Variants in OR5T3 observed in about 807,000 individuals in gnomAD.
The protein encoded by OR5T3 is olfactory receptor 5T3.
In OR5T3, 14 loss-of-function variants were observed where a neutral mutation model predicts 14.0. The ratio of observed to expected loss-of-function variants is 1.00; its 90% CI spans 0.66 to 1.56. The LOEUF is 1.56. Ranked by LOEUF, OR5T3 falls within the 40% of genes most tolerant of loss-of-function variation. The pLI is 0.00. For synonymous variants in OR5T3, 150 were observed against 137.2 expected (o/e 1.09, Z -0.65); for missense variants, 410 against 374.2 (o/e 1.10, Z -0.79).
Position 56,252,265 on chromosome 11 carries a change from G to A in OR5T3, c.12G>A (p.Leu4=), listed in dbSNP as rs1366138365. 6.2e-7 allele frequency: 1 copy of A among 1,612,114 alleles called. No individual in the cohort carries two copies. The highest frequency in any genetic ancestry group is 1.1e-5 in the South Asian group (1 of 90,968). The change falls in exon 1 of 1, where the codon TTG becomes TTA. Residue 4 remains leucine, a synonymous_variant. Coordinates refer to ENST00000313033, the MANE Select transcript of OR5T3 (RefSeq NM_001004747.2). ...AAGTAAAAACTGAAATGGACAAGTT[G>A]TCATCAGGTTTGGATATATACAGGA... MDK[L]SSGLDIYRNP... is the part of the protein sequence containing the mutation.
At position 56,253,060 on chromosome 11, in the gene OR5T3, C is replaced by A; in HGVS notation, c.807C>A (p.Val269=). The A allele has an allele frequency of 6.2e-7, 1 of 1,613,650 alleles. No individual in the cohort carries two copies. The highest frequency in any genetic ancestry group is 8.5e-7 in the Non-Finnish European group (1 of 1,179,710). Reference sequence around the variant, plus strand: ...CAATTTATCATGGAACAATTCTCGTCAGTTATATGAGACCAAGTTCCAGCT... The same window carrying A: ...CAATTTATCATGGAACAATTCTCGTAAGTTATATGAGACCAAGTTCCAGCT... ...GVTIYHGTIL[V]SYMRPSSSYA... The change falls in exon 1 of 1, where the codon GTC becomes GTA. Residue 269 remains valine (V), a synonymous_variant. Coordinates refer to ENST00000313033, the MANE Select transcript of OR5T3 (RefSeq NM_001004747.2).
chr11:56,252,340 C>A lies in OR5T3; in HGVS notation c.87C>A (p.Phe29Leu). The A allele has an allele frequency of 6.2e-7, 1 of 1,613,626 alleles. No homozygotes were observed. ...TCACCATGTTTATATTGACAGGCTTCACAGATGATTTTGAGCTGCAAGTCT... is the reference window on the plus strand; with the variant it reads ...TCACCATGTTTATATTGACAGGCTTAACAGATGATTTTGAGCTGCAAGTCT... ...TEVTMFILTG[F>L]TDDFELQVFL... Residue 29 changes from phenylalanine (F) to leucine (L), a missense_variant, in exon 1 of 1, where the codon TTC becomes TTA. Phe to Leu is a conservative substitution (Grantham distance 22). Transcript: ENST00000313033.
Position 56,252,411 on chromosome 11 carries a change from G to C in OR5T3, c.158G>C (p.Gly53Ala). 11 of 1,613,400 alleles carry C rather than the reference G, an allele frequency of 6.8e-6. No homozygotes were observed. The highest frequency in any genetic ancestry group is 9.3e-6 in the Non-Finnish European group (11 of 1,179,578). The stretch of plus-strand genomic sequence containing the variant: ...GCAATCTATCTCTTTACCTTGATAG[G>C]CAATTTAGGGCTGGTTGTGTTGGTC... ...FFAIYLFTLI[G>A]NLGLVVLVIE... Residue 53 changes from glycine (G) to alanine (A), a missense_variant, in exon 1 of 1, where the codon GGC becomes GCC. Physicochemically the swap from Gly to Ala is moderately conservative, Grantham distance 60. Coordinates refer to ENST00000313033, the MANE Select transcript of OR5T3 (RefSeq NM_001004747.2).
Position 56,252,621 on chromosome 11 carries a change from A to C in OR5T3, c.368A>C (p.Glu123Ala). The C allele has an allele frequency of 6.2e-7, 1 of 1,613,884 alleles. No homozygotes were observed. The highest frequency in any genetic ancestry group is 8.5e-7 in the Non-Finnish European group (1 of 1,179,834). ...CTTTTTGTTACTTTTGGAACTACAGAATGTTTTCTCTTGGCTGCAATGGCT... is the reference window on the plus strand; with the variant it reads ...CTTTTTGTTACTTTTGGAACTACAGCATGTTTTCTCTTGGCTGCAATGGCT... Reference protein sequence around the residue: ...MLLFVTFGTTECFLLAAMAYD... With the variant: ...MLLFVTFGTTACFLLAAMAYD... The change falls in exon 1 of 1, where the codon GAA becomes GCA. Residue 123 changes from glutamate to alanine, a missense_variant. By Grantham distance (107) the Glu-to-Ala change is moderately radical. Transcript: ENST00000313033.
Position 56,252,286 on chromosome 11 carries a change from C to T in OR5T3, c.33C>T (p.Tyr11=). 1 of 1,611,054 alleles carries T rather than the reference C, an allele frequency of 6.2e-7. No individual in the cohort carries two copies. The highest frequency in any genetic ancestry group is 1.3e-5 in the African/African-American group (1 of 74,932). ...AGTTGTCATCAGGTTTGGATATATA[C>T]AGGAATCCACTGAAGAACAAGACTG... MDKLSSGLDI[Y]RNPLKNKTEV... Residue 11 remains tyrosine (Y), a synonymous_variant, in exon 1 of 1, where the codon TAC becomes TAT. Transcript: ENST00000313033.
Position 56,253,031 on chromosome 11 carries a change from G to C in OR5T3, c.778G>C (p.Val260Leu). The C allele has an allele frequency of 6.2e-7, 1 of 1,613,720 alleles. No homozygotes were observed. The change falls in exon 1 of 1, where the codon GTG becomes CTG. Residue 260 changes from valine to leucine, a missense_variant. By Grantham distance (32) the Val-to-Leu change is conservative (BLOSUM62 1). Transcript: ENST00000313033. ...FSTCGSHLTG[V>L]TIYHGTILVS... ...TACATGTGGCTCTCACCTAACTGGAGTGACAATTTATCATGGAACAATTCT... is the reference window on the plus strand; with the variant it reads ...TACATGTGGCTCTCACCTAACTGGACTGACAATTTATCATGGAACAATTCT...
chr11:56,253,080 C>G lies in OR5T3; in HGVS notation c.827C>G (p.Ser276Cys). ...TILVSYMRPS[S>C]SYASDHDIIV... ...CTCGTCAGTTATATGAGACCAAGTT[C>G]CAGCTATGCTTCAGACCATGACATC... The change falls in exon 1 of 1, where the codon TCC becomes TGC. Residue 276 changes from serine (S) to cysteine (C), a missense_variant. Physicochemically the swap from Ser to Cys is moderately radical, Grantham distance 112. Coordinates refer to ENST00000313033, the MANE Select transcript of OR5T3 (RefSeq NM_001004747.2). 1 of 1,613,560 alleles carries G rather than the reference C, an allele frequency of 6.2e-7. No individual in the cohort carries two copies. Among genetic ancestry groups the G allele is most frequent in the Non-Finnish European group, 8.5e-7 (1 of 1,179,642 alleles).
rs779828735 is a variant in OR5T3 at position 56,252,662 on chromosome 11, G to A, written c.409G>A (p.Ala137Thr). 3.7e-6 allele frequency: 6 copies of A among 1,613,682 alleles called. No homozygotes were observed. In the South Asian group the frequency reaches 6.6e-5, roughly 18 times the overall value. ...TGCAATGGCTTATGATCACTATGTAGCCATCTACAACCCTCTCCTGTATTC... is the reference window on the plus strand; with the variant it reads ...TGCAATGGCTTATGATCACTATGTAACCATCTACAACCCTCTCCTGTATTC... The part of the protein sequence containing the change: ...LAAMAYDHYV[A>T]IYNPLLYSVS... Residue 137 changes from alanine (A) to threonine (T), a missense_variant, in exon 1 of 1, where the codon GCC becomes ACC. By Grantham distance (58) the Ala-to-Thr change is moderately conservative. Transcript: ENST00000313033.
rs1853600748 is a variant in OR5T3, at chr11:56,253,109, GTGTCAA to G, written c.858_863del (p.Ser287_Ile288del). On this transcript the variant is annotated inframe_deletion, in exon 1 of 1. Transcript: ENST00000313033. ...CTATGCTTCAGACCATGACATCATA[GTGTCAA>G]TATTTTACACAATTGTGATTCCCAA... 6.2e-7 allele frequency: 1 copy of G among 1,610,470 alleles called. No homozygotes were observed.
rs770470850 is a variant in OR5T3, at chr11:56,252,538, C to T, written c.285C>T (p.Val95=). ...YSTVVTPKML[V]NFLAKNKSIS... ...CAGTTGTCACTCCAAAAATGTTGGT[C>T]AATTTCCTGGCAAAAAATAAATCCA... Residue 95 remains valine (V), a synonymous_variant, in exon 1 of 1, where the codon GTC becomes GTT. Transcript: ENST00000313033. 1.2e-6 allele frequency: 2 copies of T among 1,613,852 alleles called. No homozygotes were observed. Among genetic ancestry groups the T allele is most frequent in the South Asian group, 2.2e-5 (2 of 91,078 alleles).
Position 56,252,952 on chromosome 11 carries a change from T to C in OR5T3, c.699T>C (p.Ile233=). Reference sequence around the variant, plus strand: ...TTGTCCTCATTTCCTGTGATTTCATTCTGTTGTCCATTCTGAAGATGCATT... The same window carrying C: ...TTGTCCTCATTTCCTGTGATTTCATCCTGTTGTCCATTCTGAAGATGCATT... ...ILIVLISCDF[I]LLSILKMHSA... The change falls in exon 1 of 1, where the codon ATT becomes ATC. Residue 233 remains isoleucine, a synonymous_variant. Coordinates refer to ENST00000313033, the MANE Select transcript of OR5T3 (RefSeq NM_001004747.2). 6.2e-7 allele frequency: 1 copy of C among 1,613,882 alleles called. No homozygotes were observed. The highest frequency in any genetic ancestry group is 8.5e-7 in the Non-Finnish European group (1 of 1,179,830).
At position 56,252,294 on chromosome 11, in the gene OR5T3, C is replaced by T. The variant is rs117125830; in HGVS notation, c.41C>T (p.Pro14Leu). ...TCAGGTTTGGATATATACAGGAATC[C>T]ACTGAAGAACAAGACTGAAGTCACC... is the stretch of plus-strand genomic sequence containing the variant. ...LSSGLDIYRN[P>L]LKNKTEVTMF... is the part of the protein sequence containing the mutation. Residue 14 changes from proline (P) to leucine (L), a missense_variant, in exon 1 of 1, where the codon CCA becomes CTA. Transcript: ENST00000313033. 6,658 of 1,611,656 alleles carry T rather than the reference C, an allele frequency of 4.1e-3. 23 individuals carry two copies. Among genetic ancestry groups the T allele is most frequent in the Non-Finnish European group, 5.1e-3 (6,017 of 1,177,962 alleles).
Position 56,253,180 on chromosome 11 carries a change from A to T in OR5T3, c.927A>T (p.Val309=). The T allele has an allele frequency of 6.3e-7, 1 of 1,581,946 alleles. No individual in the cohort carries two copies. Among genetic ancestry groups the T allele is most frequent in the Non-Finnish European group, 8.6e-7 (1 of 1,165,186 alleles). The part of the protein sequence containing the change: ...PIIYSLRNKE[V]KKAVKKMLKL... ...TCTATAGTTTGAGGAACAAAGAAGT[A>T]AAAAAGGCAGTGAAGAAAATGTTGA... Residue 309 remains valine (V), a synonymous_variant, in exon 1 of 1, where the codon GTA becomes GTT. Transcript: ENST00000313033.
At position 56,252,387 on chromosome 11, in the gene OR5T3, C is replaced by A. The variant is rs754391793; in HGVS notation, c.134C>A (p.Ala45Glu). ...LQVFLFLLFFAIYLFTLIGNL... is the reference protein window; with the variant it reads ...LQVFLFLLFFEIYLFTLIGNL... ...GTCTTCCTATTTTTACTATTTTTTG[C>A]AATCTATCTCTTTACCTTGATAGGC... Residue 45 changes from alanine (A) to glutamate (E), a missense_variant, in exon 1 of 1, where the codon GCA becomes GAA. Physicochemically the swap from Ala to Glu is moderately radical, Grantham distance 107. Transcript: ENST00000313033. 1 of 1,613,368 alleles carries A rather than the reference C, an allele frequency of 6.2e-7. No individual in the cohort carries two copies. The highest frequency in any genetic ancestry group is 1.1e-5 in the South Asian group (1 of 91,058).
In OR5T3 at chr11:56,252,386, G is replaced by C; in HGVS notation, c.133G>C (p.Ala45Pro). 6.2e-7 allele frequency: 1 copy of C among 1,613,270 alleles called. No individual in the cohort carries two copies. Among genetic ancestry groups the C allele is most frequent in the Non-Finnish European group, 8.5e-7 (1 of 1,179,574 alleles). Residue 45 changes from alanine (A) to proline (P), a missense_variant, in exon 1 of 1, where the codon GCA becomes CCA. Coordinates refer to ENST00000313033, the MANE Select transcript of OR5T3 (RefSeq NM_001004747.2). ...LQVFLFLLFF[A>P]IYLFTLIGNL... ...AGTCTTCCTATTTTTACTATTTTTT[G>C]CAATCTATCTCTTTACCTTGATAGG...
rs1479506746 is a variant in OR5T3 at position 56,252,892 on chromosome 11, C to T, written c.639C>T (p.Tyr213=). ...ACACAAACCAGCTTCTACTCTTCTA[C>T]TTTGTGGGTTCTATTGAGATAGTCA... ...DTHTNQLLLF[Y]FVGSIEIVTI... Residue 213 remains tyrosine, a synonymous_variant, in exon 1 of 1, where the codon TAC becomes TAT. Transcript: ENST00000313033. The T allele has an allele frequency of 1.9e-6, 3 of 1,613,454 alleles. No homozygotes were observed. The South Asian group carries it at 3.3e-5, about 18-fold the overall frequency.
chr11:56,253,053 T>C lies in OR5T3; in HGVS notation c.800T>C (p.Ile267Thr). 6.2e-7 allele frequency: 1 copy of C among 1,613,724 alleles called. No individual in the cohort carries two copies. The highest frequency in any genetic ancestry group is 1.1e-5 in the South Asian group (1 of 91,070). Residue 267 changes from isoleucine (I) to threonine (T), a missense_variant, in exon 1 of 1, where the codon ATT (isoleucine) becomes ACT (threonine). Coordinates refer to ENST00000313033, the MANE Select transcript of OR5T3 (RefSeq NM_001004747.2). The part of the protein sequence containing the change: ...LTGVTIYHGT[I>T]LVSYMRPSSS... ...GGAGTGACAATTTATCATGGAACAA[T>C]TCTCGTCAGTTATATGAGACCAAGT...
In OR5T3 at chr11:56,252,384, T is replaced by C. The variant is rs984650806; in HGVS notation, c.131T>C (p.Phe44Ser). 6.2e-7 allele frequency: 1 copy of C among 1,613,664 alleles called. No homozygotes were observed. The highest frequency in any genetic ancestry group is 8.5e-7 in the Non-Finnish European group (1 of 1,179,688). ...CAAGTCTTCCTATTTTTACTATTTT[T>C]TGCAATCTATCTCTTTACCTTGATA... ...ELQVFLFLLF[F>S]AIYLFTLIGN... The change falls in exon 1 of 1, where the codon TTT (phenylalanine) becomes TCT (serine). Residue 44 changes from phenylalanine to serine, a missense_variant. Physicochemically the swap from Phe to Ser is radical, Grantham distance 155 (BLOSUM62 -2). Coordinates refer to ENST00000313033, the MANE Select transcript of OR5T3 (RefSeq NM_001004747.2).
In OR5T3 at chr11:56,252,298, G is replaced by T; in HGVS notation, c.45G>T (p.Leu15=). The change falls in exon 1 of 1, where the codon CTG becomes CTT. Residue 15 remains leucine, a synonymous_variant. Coordinates refer to ENST00000313033, the MANE Select transcript of OR5T3 (RefSeq NM_001004747.2). ...SSGLDIYRNP[L]KNKTEVTMFI... is the part of the protein sequence containing the mutation. Reference sequence around the variant, plus strand: ...GTTTGGATATATACAGGAATCCACTGAAGAACAAGACTGAAGTCACCATGT... The same window carrying T: ...GTTTGGATATATACAGGAATCCACTTAAGAACAAGACTGAAGTCACCATGT... 1 of 1,612,538 alleles carries T rather than the reference G, an allele frequency of 6.2e-7. No individual in the cohort carries two copies. Among genetic ancestry groups the T allele is most frequent in the East Asian group, 2.2e-5 (1 of 44,844 alleles).
Sources: allele counts gnomAD v4.1 joint callset, GRCh38; gene constraint gnomAD v4.1.1; transcripts MANE v1.5; gene names NCBI Gene and HGNC (gene_info 2026-07-23, HGNC 2026-07-21).